Variants in CTNNA2 observed in about 807,000 individuals in gnomAD.
The protein encoded by CTNNA2 is catenin alpha 2, also known as catenin alpha-2.
CTNNA2 carries 42 observed loss-of-function variants against 101.0 expected under a neutral mutation model. The observed-to-expected ratio is 0.42, with a 90% confidence interval of 0.32 to 0.54. The LOEUF is 0.54. Ranked by LOEUF, CTNNA2 falls within the 20% of genes least tolerant of loss-of-function variation. The probability of loss-of-function intolerance (pLI) is 0.14; values close to 1 mark genes in which losing one functional copy is unlikely to be tolerated. For synonymous variants in CTNNA2, 450 were observed against 456.4 expected, an observed-to-expected ratio of 0.99 and a Z score of 0.18; for missense variants, 871 against 1,223.1, an observed-to-expected ratio of 0.71 and a Z score of 4.29.
chr2:79,592,571 C>A (rs2103995188), intron 1 of CTNNA2, among the ~76,000 whole-genome samples: 1 of 152,188 alleles, frequency 6.6e-6, no homozygotes, highest in African/African-American at 2.4e-5. Flanking sequence ...CTTATCTTCT[C>A]CGCATTCAGC....
At chr2:80,619,302 T>A in intron 18 of CTNNA2, 74 bp downstream of exon 18, 1 of 1,350,080 alleles carries the variant, frequency 7.4e-7, no homozygotes, top group Non-Finnish European at 9.6e-7. Flanking sequence ...GGATTGGATT[T>A]TAGGGAAATA....
chr2:79,795,799 A>C (rs1675650200), intron 3 of CTNNA2, among the ~76,000 whole-genome samples: 1 of 152,226 alleles, frequency 6.6e-6, no homozygotes, highest in African/African-American at 2.4e-5. Flanking sequence ...TACTATGAGA[A>C]AATGCATTTC....
chr2:79,431,403 A>G (rs1042504504), intron 4 of CTNNA2, among the ~76,000 whole-genome samples: 2 of 152,184 alleles, frequency 1.3e-5, no homozygotes, highest in Non-Finnish European at 2.9e-5. Context: ...TCTAATGCAG[A>G]TCAGCTGTGG....
chr2:79,192,764 C>T (rs991868663), intron 1 of CTNNA2, among the ~76,000 whole-genome samples: 2 of 152,060 alleles, frequency 1.3e-5, no homozygotes, highest in African/African-American at 4.8e-5. Flanking sequence ...CCATCCTCCT[C>T]GCCCCTTGAA....
intron 4 of CTNNA2, among the ~76,000 whole-genome samples, chr2:79,425,719 C>T (rs1678585394): frequency 6.6e-6 from 1 of 152,168 alleles, no homozygotes; most frequent in Non-Finnish European, 1.5e-5. Context: ...ATCAAGAATG[C>T]ATATGCTCTT....
At chr2:79,372,101 C>T (rs911331562) in intron 3 of CTNNA2, among the ~76,000 whole-genome samples, 14 of 152,062 alleles carry the variant, frequency 9.2e-5, no homozygotes, top group East Asian at 7.7e-4. Context: ...TCAGGTTCTC[C>T]GGGGTGAACC....
At chr2:79,578,477 G>A (rs1675935416) in intron 1 of CTNNA2, among the ~76,000 whole-genome samples, 1 of 152,090 alleles carries the variant, frequency 6.6e-6, no homozygotes, top group African/African-American at 2.4e-5. Flanking sequence ...TTAAAGAAAG[G>A]AAACTATTCT....
At chr2:79,228,531 C>A (rs969703179) in intron 2 of CTNNA2, among the ~76,000 whole-genome samples, 11 of 152,086 alleles carry the variant, frequency 7.2e-5, no homozygotes, top group African/African-American at 2.7e-4. Flanking sequence ...TCATATGTTT[C>A]TTGGCCACTT....
chr2:79,763,899 T>C (rs993246711), intron 3 of CTNNA2, among the ~76,000 whole-genome samples: 4 of 152,250 alleles, frequency 2.6e-5, no homozygotes, highest in African/African-American at 7.2e-5. Context: ...CAAATGGATA[T>C]AAGTTGTATT....
At chr2:80,116,712 C>G (rs1701543791) in intron 7 of CTNNA2, among the ~76,000 whole-genome samples, 1 of 152,120 alleles carries the variant, frequency 6.6e-6, no homozygotes, top group Non-Finnish European at 1.5e-5. Context: ...ATTGAGATAA[C>G]AGCTACTGGA....
intron 7 of CTNNA2, among the ~76,000 whole-genome samples, chr2:80,257,721 G>A (rs936878388): frequency 3.9e-5 from 6 of 152,268 alleles, no homozygotes; most frequent in Non-Finnish European, 7.4e-5. Flanking sequence ...AAGCACTCGC[G>A]CTCTGGTATA....
intron 3 of CTNNA2, among the ~76,000 whole-genome samples, chr2:79,823,312 T>C (rs1318112593): frequency 6.6e-6 from 1 of 152,190 alleles, no homozygotes; most frequent in African/African-American, 2.4e-5. Flanking sequence ...CTGTGAATGA[T>C]AAAAAGGCTT....
At chr2:79,186,324 T>C (rs1480215893) in intron 1 of CTNNA2, among the ~76,000 whole-genome samples, 1 of 152,156 alleles carries the variant, frequency 6.6e-6, no homozygotes, top group East Asian at 1.9e-4. Context: ...TAAACAATCA[T>C]TACTGGAGCC....
intron 2 of CTNNA2, among the ~76,000 whole-genome samples, chr2:79,702,884 T>C (rs1019169863): frequency 2.8e-4 from 42 of 152,168 alleles, no homozygotes; most frequent in Admixed American, 4.6e-4. Flanking sequence ...GTGGGCTTGA[T>C]TGTGATGTTA....
intron 2 of CTNNA2, among the ~76,000 whole-genome samples, chr2:79,692,978 A>C (rs1684415644): frequency 1.3e-5 from 2 of 152,002 alleles, no homozygotes; most frequent in Non-Finnish European, 2.9e-5. Context: ...CCTATGTAAC[A>C]AATCTGCAAG....
intron 8 of CTNNA2, among the ~76,000 whole-genome samples, chr2:80,414,739 G>T (rs1679886942): frequency 6.6e-6 from 1 of 152,128 alleles, no homozygotes; most frequent in Non-Finnish European, 1.5e-5. Context: ...TCTGAATTTT[G>T]CCTATTTTGT....
intron 7 of CTNNA2, among the ~76,000 whole-genome samples, chr2:80,324,979 T>C (rs1679102212): frequency 6.6e-6 from 1 of 152,186 alleles, no homozygotes; most frequent in South Asian, 2.1e-4. Flanking sequence ...CCATGGCACA[T>C]ATTACTACTG....
chr2:80,622,450 G>A (rs774470116), intron 18 of CTNNA2, among the ~76,000 whole-genome samples: 22 of 151,976 alleles, frequency 1.4e-4, no homozygotes, highest in Non-Finnish European at 2.5e-4. Flanking sequence ...ATGAGAATCC[G>A]TGTAACCAAG....
chr2:79,889,061 A>G (rs927132800), intron 6 of CTNNA2, among the ~76,000 whole-genome samples: 1 of 152,112 alleles, frequency 6.6e-6, no homozygotes, highest in Admixed American at 6.6e-5. Flanking sequence ...GCTAATCTTT[A>G]CTTCTCCCTC....
Sources: allele counts gnomAD v4.1 joint callset (sites outside exome capture counted in the v4.1 genomes callset), GRCh38; gene constraint gnomAD v4.1.1; transcripts MANE v1.5; gene names NCBI Gene and HGNC (gene_info 2026-07-23, HGNC 2026-07-21).